The following NLRP12 variants were observed in gnomAD, a reference collection of about 807,000 sequenced individuals.
NLRP12 encodes NACHT, LRR and PYD domains-containing protein 12.
NLRP12 carries 108 observed loss-of-function variants against 91.2 expected under a neutral mutation model. The ratio of observed to expected loss-of-function variants is 1.18; its 90% CI spans 1.01 to 1.39. The LOEUF (loss-of-function observed/expected upper bound fraction) is 1.39, where lower values mean the gene tolerates loss of function less well. Ranked by LOEUF, NLRP12 falls within the 40% of genes most tolerant of loss-of-function variation. The probability of loss-of-function intolerance (pLI) is 0.00; values close to 1 mark genes in which losing one functional copy is unlikely to be tolerated. For missense variants in NLRP12, 1,530 were observed against 1,352.7 expected (o/e 1.13, Z -2.06); for synonymous variants, 613 against 566.7 (o/e 1.08, Z -1.16).
chr19:53,806,182 C>T (rs150300299), intron 4 of NLRP12, among the ~76,000 whole-genome samples: 1 of 151,746 alleles, frequency 6.6e-6, no homozygotes, highest in Admixed American at 6.6e-5. Flanking sequence ...TGCAGTGAGT[C>T]GAGATCATGT....
At chr19:53,806,672 TC>T in intron 4 of NLRP12, among the ~76,000 whole-genome samples, 1 of 71,836 alleles carries the variant, frequency 1.4e-5, no homozygotes, top group Non-Finnish European at 2.4e-5. Flanking sequence ...AAAGCAAGAC[TC>T]CGTCTCAAAA....
chr19:53,811,215 C>T lies in NLRP12; in HGVS notation c.444G>A (p.Gly148=), dbSNP rs751685804. Residue 148 remains glycine, a synonymous_variant, in exon 3 of 10, where the codon GGG becomes GGA. Transcript: ENST00000324134. ...ACCGGTGGCTGAGGTTGACACATTC[C>T]CCTAGGCGCGCATTGCGGTCTTCCA... The part of the protein sequence containing the change: ...RLMEDRNARL[G]ECVNLSHRYT... The T allele has an allele frequency of 5.6e-6, 9 of 1,614,124 alleles. No individual in the cohort carries two copies. Among genetic ancestry groups the T allele is most frequent in the Non-Finnish European group, 6.8e-6 (8 of 1,180,032 alleles).
intron 1 of NLRP12, among the ~76,000 whole-genome samples, chr19:53,820,358 C>T (rs924684899): frequency 6.6e-6 from 1 of 151,932 alleles, no homozygotes; most frequent in Non-Finnish European, 1.5e-5. Flanking sequence ...GGTGAAACCC[C>T]GTCTCTACTA....
At chr19:53,806,865 T>TAAAA (rs199586270) in intron 4 of NLRP12, among the ~76,000 whole-genome samples, 1 of 137,626 alleles carries the variant, frequency 7.3e-6, no homozygotes, top group Non-Finnish European at 1.5e-5. Context: ...CTCAAAAATT[T>TAAAA]AAAAAAAAAA....
chr19:53,802,169 G>A (rs1033780729), intron 6 of NLRP12, among the ~76,000 whole-genome samples: 10 of 152,088 alleles, frequency 6.6e-5, no homozygotes, highest in East Asian at 2.0e-4. Flanking sequence ...GGAGGTTGCC[G>A]TGAGCTGAGA....
chr19:53,803,185 CTTT>C (rs112504038), intron 6 of NLRP12, among the ~76,000 whole-genome samples: 1 of 147,174 alleles, frequency 6.8e-6, no homozygotes, highest in African/African-American at 2.5e-5. Context: ...ATCTCTGGAA[CTTT>C]TTTTTTTTTT....
intron 1 of NLRP12, among the ~76,000 whole-genome samples, chr19:53,817,693 G>A (rs965063023): frequency 1.3e-5 from 2 of 151,760 alleles, no homozygotes; most frequent in African/African-American, 2.4e-5. Flanking sequence ...CCGAGATCGC[G>A]CCACTGCACT....
chr19:53,805,388 T>C lies in NLRP12; in HGVS notation c.2306A>G (p.Asn769Ser), dbSNP rs762331289. 14 of 1,614,108 alleles carry C rather than the reference T, an allele frequency of 8.7e-6. No individual in the cohort carries two copies. In the East Asian group the frequency reaches 1.6e-4, roughly 18 times the overall value. The change falls in exon 5 of 10, where the codon AAT (asparagine) becomes AGT (serine). Residue 769 changes from asparagine (N) to serine (S), a missense_variant. By Grantham distance (46) the Asn-to-Ser change is conservative (BLOSUM62 1). Transcript: ENST00000324134. ...CEDLSAALIA[N>S]KNLTRMDLSG... The stretch of plus-strand genomic sequence containing the variant: ...GAGATCCATCCTTGTCAAATTCTTA[T>C]TGGCTATGAGAGCTGCAGAGAGGTC...
intron 1 of NLRP12, among the ~76,000 whole-genome samples, chr19:53,822,327 G>A (rs1019095166): frequency 6.6e-6 from 1 of 152,046 alleles, no homozygotes; most frequent in African/African-American, 2.4e-5. Flanking sequence ...AAAGAAAAGG[G>A]AATTGGTGGC....
At chr19:53,821,465 G>A (rs1362851629) in intron 1 of NLRP12, among the ~76,000 whole-genome samples, 2 of 151,998 alleles carry the variant, frequency 1.3e-5, no homozygotes, top group Non-Finnish European at 1.5e-5. Context: ...TCAGGAGATC[G>A]AGACCATCCT....
chr19:53,823,306 ATATT>A (rs1234065980), intron 1 of NLRP12, among the ~76,000 whole-genome samples: 2 of 137,244 alleles, frequency 1.5e-5, no homozygotes, highest in African/African-American at 2.8e-5. Flanking sequence ...ATAATATAGT[ATATT>A]TATATAATAA....
At chr19:53,803,878 G>C (rs1422543773) in intron 6 of NLRP12, 74 bp downstream of exon 6, 2 of 1,471,676 alleles carry the variant, frequency 1.4e-6, no homozygotes, top group East Asian at 4.5e-5. Flanking sequence ...CCGACCTGTG[G>C]ATGCATTTTT....
At position 53,811,374 on chromosome 19, in the gene NLRP12, AAAG is replaced by A. The variant is rs1196947162; in HGVS notation, c.371-89_371-87del. On this transcript the variant is annotated intron_variant, in intron 2 of 9. Transcript: ENST00000324134. The stretch of plus-strand genomic sequence containing the variant: ...AGGTAAAGCGCTCCTCATGTGGCTC[AAAG>A]AAGGTGTGTGCCTGTAGTTCCAGCT... The A allele has an allele frequency of 2.7e-6, 4 of 1,486,478 alleles. No individual in the cohort carries two copies. In the Admixed American group the frequency reaches 5.0e-5, roughly 19 times the overall value. The allele number at this position is 1,486,478 out of a possible 1,614,324, so 92.1% of individuals were successfully genotyped here.
Position 53,804,437 on chromosome 19 carries a change from C to T in NLRP12, c.2415-315G>A, listed in dbSNP as rs1337033377. On this transcript the variant is annotated intron_variant, in intron 5 of 9. Coordinates refer to ENST00000324134, the MANE Select transcript of NLRP12 (RefSeq NM_144687.4). ...TTTTTGAGGTAGAACCTCATTCTGT[C>T]ACCCAGGCTGGAGTACAGTGGCGTG... Among the ~76,000 whole-genome samples the T allele has an allele frequency of 2.7e-4, 36 of 131,566 alleles. 1 individual carries two copies. The highest frequency in any genetic ancestry group is 6.9e-4 in the African/African-American group (25 of 36,440). 86.3% of individuals were successfully genotyped at this position (131,566 alleles called of 152,430 possible).
At chr19:53,818,109 G>A (rs1048296489) in intron 1 of NLRP12, among the ~76,000 whole-genome samples, 4 of 150,418 alleles carry the variant, frequency 2.7e-5, no homozygotes, top group African/African-American at 4.9e-5. Context: ...TTTGAGAGAG[G>A]GTCTTGCTCT....
chr19:53,802,607 C>T (rs1047487751), intron 6 of NLRP12, among the ~76,000 whole-genome samples: 15 of 149,958 alleles, frequency 1.0e-4, no homozygotes, highest in African/African-American at 1.7e-4. Context: ...CTAGGGAGGT[C>T]GAGGCAGGAG....
Position 53,805,266 on chromosome 19 carries a change from G to A in NLRP12, c.2414+14C>T. The A allele has an allele frequency of 6.2e-7, 1 of 1,613,024 alleles. No individual in the cohort carries two copies. Among genetic ancestry groups the A allele is most frequent in the Non-Finnish European group, 8.5e-7 (1 of 1,179,186 alleles). On this transcript the variant is annotated intron_variant, in intron 5 of 9. Transcript: ENST00000324134. ...AATGAGCTTAAGAAGTTGCTCCCGG[G>A]GATAGAGACTCACTGAATCATCTGC...
At chr19:53,803,917 C>T (rs746447429) in intron 6 of NLRP12, 35 bp downstream of exon 6, 2 of 1,600,574 alleles carry the variant, frequency 1.2e-6, no homozygotes, top group Non-Finnish European at 1.7e-6. Context: ...AAGAGATTTG[C>T]CATTTTATTA....
intron 5 of NLRP12, among the ~76,000 whole-genome samples, chr19:53,804,401 G>GGTTTTTTT (rs2091923732): frequency 1.4e-5 from 1 of 71,584 alleles, no homozygotes; most frequent in Non-Finnish European, 3.2e-5. Context: ...GGGTTTTTTT[G>GGTTTTTTT]TTTTTTTTTT....
Sources: allele counts gnomAD v4.1 joint callset (sites outside exome capture counted in the v4.1 genomes callset), GRCh38; gene constraint gnomAD v4.1.1; transcripts MANE v1.5; gene names NCBI Gene and HGNC (gene_info 2026-07-23, HGNC 2026-07-21).